Variants in TXNRD2 observed in about 807,000 individuals in gnomAD.
TXNRD2 encodes the protein thioredoxin reductase 2, mitochondrial.
In TXNRD2, 67 loss-of-function variants were observed where a neutral mutation model predicts 70.8. The ratio of observed to expected loss-of-function variants is 0.95; its 90% CI spans 0.78 to 1.16. The LOEUF (loss-of-function observed/expected upper bound fraction) is 1.16. Among genes scored for constraint, TXNRD2 ranks in the 50% most tolerant of loss-of-function variants. The probability of loss-of-function intolerance (pLI) is 0.00; values close to 1 mark genes in which losing one functional copy is unlikely to be tolerated. For missense variants in TXNRD2, 644 were observed against 719.9 expected (o/e 0.89, Z 1.21); for synonymous variants, 301 against 295.8 (o/e 1.02, Z -0.18).
At chr22:19,926,180 A>T (rs1941135656) in intron 2 of TXNRD2, among the ~76,000 whole-genome samples, 1 of 148,718 alleles carries the variant, frequency 6.7e-6, no homozygotes, top group African/African-American at 2.5e-5. Flanking sequence ...AAAAAAAAAG[A>T]AAGAAAAAGA....
chr22:19,877,717 A>C (rs560294658), intron 16 of TXNRD2, among the ~76,000 whole-genome samples: 1 of 152,298 alleles, frequency 6.6e-6, no homozygotes, highest in East Asian at 1.9e-4. Flanking sequence ...ACACAGCCTG[A>C]GCCCAAGACC....
intron 8 of TXNRD2, among the ~76,000 whole-genome samples, chr22:19,909,883 C>CAA (rs879269920): frequency 0.088 from 10,438 of 119,032 alleles, 1,097 homozygotes; most frequent in Non-Finnish European, 0.13. Flanking sequence ...CTCACACACA[C>CAA]CACTCACACA....
intron 8 of TXNRD2, among the ~76,000 whole-genome samples, chr22:19,906,973 G>T (rs1006761780): frequency 1.0e-5 from 1 of 99,600 alleles, no homozygotes; most frequent in African/African-American, 3.9e-5. Context: ...TCAGGAGAGT[G>T]TGGGCACCGT....
chr22:19,927,885 G>A (rs1332538550), intron 2 of TXNRD2, among the ~76,000 whole-genome samples: 2 of 151,930 alleles, frequency 1.3e-5, no homozygotes, highest in African/African-American at 2.4e-5. Context: ...AAATGCATAC[G>A]TAATGTGAGG....
intron 2 of TXNRD2, among the ~76,000 whole-genome samples, chr22:19,920,142 C>G: frequency 6.6e-6 from 1 of 152,240 alleles, no homozygotes; most frequent in East Asian, 1.9e-4. Flanking sequence ...AGAAGTGACG[C>G]AGCAGCCCCA....
chr22:19,875,905 A>G (rs1477417442), intron 17 of TXNRD2, 98 bp from the exon 18 acceptor site: 2 of 152,216 alleles, frequency 1.3e-5, no homozygotes, highest in African/African-American at 4.8e-5. Context: ...CCCAAGGGAG[A>G]TGGGTGAGAA....
rs1028055649 is a variant in TXNRD2, at chr22:19,891,976, C to T, written c.949+3431G>A. Among the ~76,000 whole-genome samples the T allele has an allele frequency of 3.9e-5, 6 of 152,358 alleles. No homozygotes were observed. In the South Asian group the frequency reaches 1.0e-3, roughly 26 times the overall value. On this transcript the variant is annotated intron_variant, in intron 11 of 17. Coordinates refer to ENST00000400521, the MANE Select transcript of TXNRD2 (RefSeq NM_006440.5). The stretch of plus-strand genomic sequence containing the variant: ...CAGCTGCGGCCAGGCGCCAGGCACA[C>T]GGGCAACGGGCAGGGCCAGCACTCG...
chr22:19,917,813 G>C (rs1192806303), intron 5 of TXNRD2, among the ~76,000 whole-genome samples: 1 of 152,188 alleles, frequency 6.6e-6, no homozygotes, highest in Non-Finnish European at 1.5e-5. Flanking sequence ...ATTAGCCCCA[G>C]GCCTAGCTAT....
intron 7 of TXNRD2, 90 bp from the exon 8 acceptor site, chr22:19,911,537 A>G (rs1940412229): frequency 3.0e-6 from 3 of 993,198 alleles, no homozygotes; most frequent in Non-Finnish European, 4.8e-6. Flanking sequence ...TGCAGAATCA[A>G]GCAGAGCTTT....
intron 1 of TXNRD2, 46 bp downstream of exon 1, chr22:19,941,655 C>A: frequency 7.0e-7 from 1 of 1,425,148 alleles, no homozygotes; most frequent in South Asian, 1.5e-5. Context: ...GAGGACACCC[C>A]GGCCGCGCGG....
rs1939962861 is a variant in TXNRD2 at position 19,905,365 on chromosome 22, C to T, written c.662+6012G>A. On this transcript the variant is annotated intron_variant, in intron 8 of 17. Transcript: ENST00000400521. Reference sequence around the variant, plus strand: ...GTTTTTTTTCTGAAGAAAATAAACACTGCAGTTTCTTTTCTGAACAAAATA... The same window carrying T: ...GTTTTTTTTCTGAAGAAAATAAACATTGCAGTTTCTTTTCTGAACAAAATA... Among the ~76,000 whole-genome samples, 2 of 152,064 alleles carry T rather than the reference C, an allele frequency of 1.3e-5. 1 individual carries two copies. Among genetic ancestry groups the T allele is most frequent in the South Asian group, 4.1e-4 (2 of 4,830 alleles).
chr22:19,905,961 C>T (rs1601427297), intron 8 of TXNRD2, among the ~76,000 whole-genome samples: 1 of 143,706 alleles, frequency 7.0e-6, no homozygotes, highest in East Asian at 2.0e-4. Flanking sequence ...CCTTTCTGAA[C>T]ATGCAATAAA....
Position 19,897,301 on chromosome 22 carries a change from C to T in TXNRD2, c.774+738G>A, listed in dbSNP as rs933082655. On this transcript the variant is annotated intron_variant, in intron 10 of 17. Coordinates refer to ENST00000400521, the MANE Select transcript of TXNRD2 (RefSeq NM_006440.5). ...CAGGCTCTGTGAGCTGAGGGTCGGCCGAGGACCTGTAGCAGGGCCTGCAGA... is the reference window on the plus strand; with the variant it reads ...CAGGCTCTGTGAGCTGAGGGTCGGCTGAGGACCTGTAGCAGGGCCTGCAGA... Among the ~76,000 whole-genome samples, 4 of 152,274 alleles carry T rather than the reference C, an allele frequency of 2.6e-5. No individual in the cohort carries two copies. The South Asian group carries it at 6.2e-4, about 24-fold the overall frequency.
intron 1 of TXNRD2, chr22:19,938,006 C>T (rs941482466): frequency 2.0e-5 from 3 of 152,284 alleles, no homozygotes; most frequent in Non-Finnish European, 2.9e-5. Context: ...GGGTCCCAGC[C>T]TCTTCTTCTG....
intron 11 of TXNRD2, 175 bp from the exon 12 acceptor site, chr22:19,883,636 G>A (rs1938891340): frequency 3.6e-6 from 3 of 827,652 alleles, no homozygotes; most frequent in Admixed American, 2.1e-5. Context: ...TCATGAGTTC[G>A]AGACCAGGCT....
intron 8 of TXNRD2, among the ~76,000 whole-genome samples, chr22:19,909,809 ACTCACACACACACCACAC>A (rs1601437032): frequency 1.3e-5 from 1 of 75,362 alleles, no homozygotes; most frequent in Non-Finnish European, 2.5e-5. Context: ...CACACACACC[ACTCACACACACACCACAC>A]ACCACACACA....
At chr22:19,930,090 G>A (rs762710552) in intron 2 of TXNRD2, among the ~76,000 whole-genome samples, 1 of 152,196 alleles carries the variant, frequency 6.6e-6, no homozygotes, top group Non-Finnish European at 1.5e-5. Flanking sequence ...GGTTCTGAGA[G>A]TACAGTGTGG....
chr22:19,911,321 C>T, intron 8 of TXNRD2, 56 bp downstream of exon 8: 2 of 1,374,874 alleles, frequency 1.5e-6, no homozygotes, highest in Non-Finnish European at 2.1e-6. Context: ...TCTAAGGGTC[C>T]AGTGCTCACT....
intron 2 of TXNRD2, among the ~76,000 whole-genome samples, chr22:19,930,599 C>T (rs1941319929): frequency 6.6e-6 from 1 of 152,124 alleles, no homozygotes; most frequent in South Asian, 2.1e-4. Flanking sequence ...AGGACAGGGA[C>T]AAGCAGGAGG....
Sources: gnomAD v4.1 joint callset for allele counts (sites outside exome capture counted in the v4.1 genomes callset) on GRCh38, gnomAD v4.1.1 for gene constraint, MANE v1.5 for transcripts, NCBI Gene and HGNC (gene_info 2026-07-23, HGNC 2026-07-21) for gene names.